Variants in HCN1 observed in about 807,000 individuals in gnomAD.
HCN1 encodes hyperpolarization activated cyclic nucleotide gated potassium channel 1.
In HCN1, 13 loss-of-function variants were observed where a neutral mutation model predicts 78.9. The observed-to-expected ratio is 0.16, with a 90% CI of 0.11 to 0.26. The LOEUF is 0.26. Among genes scored for constraint, HCN1 ranks in the 10% least tolerant of loss-of-function variants. The pLI is 1.00. For synonymous variants in HCN1, 552 were observed against 455.5 expected (o/e 1.21, Z -2.70); for missense variants, 810 against 1,154.3 (o/e 0.70, Z 4.32).
intron 1 of HCN1, among the ~76,000 whole-genome samples, chr5:45,650,701 T>C (rs985240621): frequency 6.6e-6 from 1 of 152,098 alleles, no homozygotes; most frequent in South Asian, 2.1e-4. Context: ...CTTCTCCCTA[T>C]AGGTTTCTAG....
At position 45,645,581 on chromosome 5, in the gene HCN1, T is replaced by G. The variant is rs774694297; in HGVS notation, c.453A>C (p.Ile151=). ...TGATGACTAGATTTCCAACCATCAT[T>G]ATAAGCATTATTAAATCCCAGTAAA... ...FRFYWDLIML[I]MMVGNLVIIP... is the part of the protein sequence containing the mutation. The change falls in exon 2 of 8, where the codon ATA becomes ATC. Residue 151 remains isoleucine, a synonymous_variant. Coordinates refer to ENST00000303230, the MANE Select transcript of HCN1 (RefSeq NM_021072.4). 1 of 1,606,144 alleles carries G rather than the reference T, an allele frequency of 6.2e-7. No individual in the cohort carries two copies. The highest frequency in any genetic ancestry group is 1.7e-5 in the Admixed American group (1 of 59,578).
rs184765503 is a variant in HCN1 at position 45,261,586 on chromosome 5, T to G, written c.*335A>C. 3.6e-4 allele frequency: 62 copies of G among 172,884 alleles called. No individual in the cohort carries two copies. The East Asian group carries it at 6.6e-3, about 18-fold the overall frequency. 10.7% of individuals were successfully genotyped at this position (172,884 alleles called of 1,614,324 possible). A position where few individuals can be genotyped will look rare whatever the true frequency, so the allele number is the denominator to read the frequency against. ...TTCCATTGAATCCAAGAACTCTTCA[T>G]AAAATAGAGAAATATACATATCAAA... On this transcript the variant is annotated 3_prime_UTR_variant, in exon 8 of 8. Transcript: ENST00000303230.
chr5:45,288,996 C>T (rs1745320952), intron 6 of HCN1, among the ~76,000 whole-genome samples: 1 of 152,044 alleles, frequency 6.6e-6, no homozygotes, highest in South Asian at 2.1e-4. Context: ...ACATCATTGC[C>T]TTCCAAATGA....
intron 2 of HCN1, among the ~76,000 whole-genome samples, chr5:45,612,743 T>C (rs1240408337): frequency 1.3e-5 from 2 of 152,192 alleles, no homozygotes; most frequent in Non-Finnish European, 2.9e-5. Context: ...AAAAGTATAG[T>C]AGCCATTCTT....
In HCN1 at chr5:45,485,625, A is replaced by G. The variant is rs369086660; in HGVS notation, c.850-23618T>C. 3.0e-4 allele frequency among the ~76,000 whole-genome samples: 46 copies of G among 152,292 alleles called. No individual in the cohort carries two copies. In the South Asian group the frequency reaches 9.3e-3, roughly 31 times the overall value. On this transcript the variant is annotated intron_variant, in intron 2 of 7. Coordinates refer to ENST00000303230, the MANE Select transcript of HCN1 (RefSeq NM_021072.4). Reference sequence around the variant, plus strand: ...AAAGTGATATGTTTCTTTTTTTCCAAAGAATCAAAGAGTTAATATATTCAC... The same window carrying G: ...AAAGTGATATGTTTCTTTTTTTCCAGAGAATCAAAGAGTTAATATATTCAC...
At chr5:45,489,229 T>C (rs995129878) in intron 2 of HCN1, among the ~76,000 whole-genome samples, 2 of 152,194 alleles carry the variant, frequency 1.3e-5, no homozygotes, top group Admixed American at 6.6e-5. Context: ...CAAAGTTTTG[T>C]TGCATTTTGG....
chr5:45,271,403 G>C lies in HCN1; in HGVS notation c.1619-4150C>G, dbSNP rs961744515. Among the ~76,000 whole-genome samples, 783 of 115,716 alleles carry C rather than the reference G, an allele frequency of 6.8e-3. 2 individuals are homozygous for C. The highest frequency in any genetic ancestry group is 8.4e-3 in the Non-Finnish European group (442 of 52,694). The allele number at this position is 115,716 out of a possible 152,430, so 75.9% of individuals were successfully genotyped here. On this transcript the variant is annotated intron_variant, in intron 6 of 7. Coordinates refer to ENST00000303230, the MANE Select transcript of HCN1 (RefSeq NM_021072.4). ...ACACACACACACACACACACACACA[G>C]ACACAGTTGCTTGGGCTATTTTAGG...
intron 3 of HCN1, among the ~76,000 whole-genome samples, chr5:45,437,672 G>T (rs918845048): frequency 6.6e-6 from 1 of 152,140 alleles, no homozygotes; most frequent in African/African-American, 2.4e-5. Flanking sequence ...AAGAGAAATG[G>T]CTTGGAAGCT....
At chr5:45,447,935 T>G (rs1234641929) in intron 3 of HCN1, among the ~76,000 whole-genome samples, 1 of 151,750 alleles carries the variant, frequency 6.6e-6, no homozygotes, top group East Asian at 1.9e-4. Flanking sequence ...TATGACTTGT[T>G]TCATTAAACT....
At chr5:45,368,194 A>G (rs1747273505) in intron 4 of HCN1, among the ~76,000 whole-genome samples, 1 of 151,996 alleles carries the variant, frequency 6.6e-6, no homozygotes, top group East Asian at 1.9e-4. Flanking sequence ...CACATTATAA[A>G]CAATTTCTCA....
intron 2 of HCN1, among the ~76,000 whole-genome samples, chr5:45,582,732 G>T (rs1477272351): frequency 3.9e-5 from 6 of 152,232 alleles, no homozygotes; most frequent in Middle Eastern, 6.8e-3. Flanking sequence ...TAGCATGAAG[G>T]GTTGTTGAAT....
intron 2 of HCN1, among the ~76,000 whole-genome samples, chr5:45,543,996 G>T (rs1384573785): frequency 6.6e-6 from 1 of 152,130 alleles, no homozygotes; most frequent in Non-Finnish European, 1.5e-5. Flanking sequence ...AAAAGGGGCA[G>T]ATTAAATATG....
chr5:45,660,446 C>T (rs1359866088), intron 1 of HCN1, among the ~76,000 whole-genome samples: 2 of 135,704 alleles, frequency 1.5e-5, no homozygotes, highest in Non-Finnish European at 3.1e-5. Context: ...CAAATTCACA[C>T]ATAACAATAT....
intron 3 of HCN1, among the ~76,000 whole-genome samples, chr5:45,410,201 A>C (rs1739998102): frequency 6.6e-6 from 1 of 151,970 alleles, no homozygotes; most frequent in South Asian, 2.1e-4. Flanking sequence ...TATTATCTTC[A>C]TTTACTGATG....
intron 6 of HCN1, among the ~76,000 whole-genome samples, chr5:45,283,277 G>T (rs942748554): frequency 3.9e-5 from 6 of 151,972 alleles, no homozygotes; most frequent in Admixed American, 3.9e-4. Context: ...TACAACAAAA[G>T]CAAAAATTGA....
chr5:45,432,127 G>A (rs1228022397), intron 3 of HCN1, among the ~76,000 whole-genome samples: 1 of 151,966 alleles, frequency 6.6e-6, no homozygotes, highest in Non-Finnish European at 1.5e-5. Context: ...GTGTCTGGCA[G>A]TTCTTATTGC....
intron 4 of HCN1, among the ~76,000 whole-genome samples, chr5:45,376,371 G>T (rs1284314768): frequency 3.3e-5 from 1 of 30,428 alleles, no homozygotes; most frequent in Non-Finnish European, 7.7e-5. Flanking sequence ...GAGAGAGAGA[G>T]AGAAAATGAC....
intron 2 of HCN1, among the ~76,000 whole-genome samples, chr5:45,522,727 G>C (rs1013017084): frequency 1.3e-5 from 2 of 151,488 alleles, no homozygotes; most frequent in African/African-American, 2.4e-5. Flanking sequence ...ACATAGACCA[G>C]GGGCTGGTCA....
At chr5:45,632,014 G>A (rs1235908976) in intron 2 of HCN1, among the ~76,000 whole-genome samples, 4 of 151,906 alleles carry the variant, frequency 2.6e-5, no homozygotes, top group African/African-American at 9.7e-5. Flanking sequence ...TTGCCAATTT[G>A]GAAATGTTCT....
Sources: gnomAD v4.1 joint callset for allele counts (sites outside exome capture counted in the v4.1 genomes callset) on GRCh38, gnomAD v4.1.1 for gene constraint, MANE v1.5 for transcripts, NCBI Gene and HGNC (gene_info 2026-07-23, HGNC 2026-07-21) for gene names.